The following NRG1 variants were observed in gnomAD, a reference collection of about 807,000 sequenced individuals.
NRG1 encodes pro-neuregulin-1, membrane-bound isoform.
A neutral mutation model predicts 63.8 loss-of-function variants in NRG1; 18 were observed. The ratio of observed to expected loss-of-function variants is 0.28; its 90% CI spans 0.19 to 0.42. The LOEUF is 0.42. Ranked by LOEUF, NRG1 falls within the 10% of genes least tolerant of loss-of-function variation. The probability of loss-of-function intolerance (pLI) is 1.00; values close to 1 mark genes in which losing one functional copy is unlikely to be tolerated. For missense variants in NRG1, 762 were observed against 814.7 expected (o/e 0.94, Z 0.79); for synonymous variants, 302 against 301.3 (o/e 1.00, Z -0.02).
intron 1 of NRG1, among the ~76,000 whole-genome samples, chr8:31,731,428 AC>A (rs1416106018): frequency 6.6e-6 from 1 of 151,844 alleles, no homozygotes; most frequent in African/African-American, 2.4e-5. Flanking sequence ...ACACACACAC[AC>A]ACACACACAC....
At chr8:32,224,374 T>TA (rs1411180276) in intron 1 of NRG1, among the ~76,000 whole-genome samples, 1 of 151,070 alleles carries the variant, frequency 6.6e-6, no homozygotes, top group Admixed American at 6.6e-5. Flanking sequence ...TGCATCCTCT[T>TA]AGACTGAATG....
intron 1 of NRG1, among the ~76,000 whole-genome samples, chr8:32,345,222 G>A (rs143588293): frequency 6.6e-6 from 1 of 152,280 alleles, no homozygotes; most frequent in Non-Finnish European, 1.5e-5. Context: ...CTCTTCCATT[G>A]TGCAAGCACT....
At chr8:32,064,236 G>A (rs1427104021) in intron 1 of NRG1, among the ~76,000 whole-genome samples, 2 of 152,126 alleles carry the variant, frequency 1.3e-5, no homozygotes, top group African/African-American at 2.4e-5. Flanking sequence ...CAAAATGGAT[G>A]CTGAGGCAAC....
chr8:32,403,713 A>G (rs1443775374), intron 1 of NRG1, among the ~76,000 whole-genome samples: 1 of 152,186 alleles, frequency 6.6e-6, no homozygotes, highest in Non-Finnish European at 1.5e-5. Context: ...TTAAGTGGCA[A>G]TTATTTTAAT....
chr8:32,478,077 T>G (rs1362777273), intron 1 of NRG1, among the ~76,000 whole-genome samples: 1 of 152,236 alleles, frequency 6.6e-6, no homozygotes, highest in Non-Finnish European at 1.5e-5. Context: ...GCCTGATCTT[T>G]TTGAGTGAGT....
intron 1 of NRG1, among the ~76,000 whole-genome samples, chr8:31,972,910 T>G (rs765141414): frequency 2.0e-5 from 3 of 152,224 alleles, no homozygotes; most frequent in Non-Finnish European, 4.4e-5. Context: ...TAAATTAAAC[T>G]GTTTAAAAAA....
chr8:31,838,078 A>C (rs1392767785), intron 1 of NRG1, among the ~76,000 whole-genome samples: 1 of 152,090 alleles, frequency 6.6e-6, no homozygotes, highest in African/African-American at 2.4e-5. Flanking sequence ...ACTGATTTAC[A>C]TTCCCACGAG....
chr8:32,282,831 A>G (rs1853037763), intron 1 of NRG1, among the ~76,000 whole-genome samples: 1 of 152,166 alleles, frequency 6.6e-6, no homozygotes, highest in Admixed American at 6.5e-5. Context: ...AGAATAATTT[A>G]TTCTCATTCA....
At chr8:32,460,362 C>T (rs141092756) in intron 1 of NRG1, among the ~76,000 whole-genome samples, 45 of 152,332 alleles carry the variant, frequency 3.0e-4, no homozygotes, top group Non-Finnish European at 5.0e-4. Flanking sequence ...AGGTCATCTT[C>T]AGTTCCAGGC....
intron 1 of NRG1, among the ~76,000 whole-genome samples, chr8:32,592,616 G>T (rs572758605): frequency 6.6e-6 from 1 of 152,216 alleles, no homozygotes; most frequent in Admixed American, 6.5e-5. Context: ...GGAGAGACGA[G>T]CTAGAGAGAG....
At chr8:32,519,231 T>C (rs1830107172) in intron 1 of NRG1, among the ~76,000 whole-genome samples, 1 of 152,158 alleles carries the variant, frequency 6.6e-6, no homozygotes, top group Non-Finnish European at 1.5e-5. Flanking sequence ...CAAATTCTTA[T>C]AAAGGAAAGC....
chr8:32,433,348 T>C (rs1818398678), intron 1 of NRG1, among the ~76,000 whole-genome samples: 1 of 152,156 alleles, frequency 6.6e-6, no homozygotes, highest in African/African-American at 2.4e-5. Context: ...GGAGAGATTA[T>C]GGATAGCAGG....
At chr8:32,611,426 G>A (rs952937574) in intron 3 of NRG1, among the ~76,000 whole-genome samples, 1 of 152,056 alleles carries the variant, frequency 6.6e-6, no homozygotes, top group Non-Finnish European at 1.5e-5. Flanking sequence ...TGAAAAGCAT[G>A]TAAAATATGT....
At chr8:31,934,696 A>T (rs181125775) in intron 1 of NRG1, among the ~76,000 whole-genome samples, 447 of 152,200 alleles carry the variant, frequency 2.9e-3, no homozygotes, top group Non-Finnish European at 4.3e-3. Context: ...ACTGATAGCT[A>T]CTATTTAATG....
chr8:32,038,591 A>C (rs1033022438), intron 1 of NRG1, among the ~76,000 whole-genome samples: 2 of 152,114 alleles, frequency 1.3e-5, no homozygotes, highest in Non-Finnish European at 2.9e-5. Flanking sequence ...GGAAGTATTT[A>C]AAAAGTGTTT....
At chr8:32,120,109 A>G (rs12334439) in intron 1 of NRG1, among the ~76,000 whole-genome samples, 83,116 of 151,878 alleles carry the variant, frequency 0.55, 24,120 homozygotes, top group Admixed American at 0.66. Flanking sequence ...TAAAAATCCT[A>G]TTCCCTGTTA....
intron 1 of NRG1, among the ~76,000 whole-genome samples, chr8:31,882,048 A>T (rs1330682112): frequency 1.3e-5 from 2 of 152,158 alleles, no homozygotes; most frequent in South Asian, 4.1e-4. Flanking sequence ...TTTCTTTTGG[A>T]AGAAGATGCC....
intron 1 of NRG1, among the ~76,000 whole-genome samples, chr8:31,972,000 A>G (rs1465295356): frequency 6.6e-6 from 1 of 152,134 alleles, no homozygotes; most frequent in Non-Finnish European, 1.5e-5. Flanking sequence ...TCCTTTAAGG[A>G]CACCAACTCC....
At chr8:32,430,029 G>T (rs1025336682) in intron 1 of NRG1, among the ~76,000 whole-genome samples, 2 of 152,108 alleles carry the variant, frequency 1.3e-5, no homozygotes, top group African/African-American at 4.8e-5. Context: ...GGTTCAAATA[G>T]GCAAGGAAGT....
Sources: allele counts gnomAD v4.1 joint callset (sites outside exome capture counted in the v4.1 genomes callset), GRCh38; gene constraint gnomAD v4.1.1; transcripts MANE v1.5; gene names NCBI Gene and HGNC (gene_info 2026-07-23, HGNC 2026-07-21).